TACC2: variants seen among roughly 807,000 people sequenced by gnomAD.
TACC2 encodes the protein transforming acidic coiled-coil containing protein 2.
Under a neutral mutation model 227.3 loss-of-function variants are expected in TACC2, and 137 were observed. The observed-to-expected ratio is 0.60, with a 90% CI of 0.52 to 0.69. The LOEUF (loss-of-function observed/expected upper bound fraction) is 0.69, where lower values mean the gene tolerates loss of function less well. TACC2 is among the 30% of genes least tolerant of loss of function. TACC2 has a pLI of 0.00. For missense variants in TACC2, 3,470 were observed against 3,694.4 expected, an observed-to-expected ratio of 0.94 and a Z score of 1.57; for synonymous variants, 1,523 against 1,487.5, an observed-to-expected ratio of 1.02 and a Z score of -0.55.
intron 12 of TACC2, among the ~76,000 whole-genome samples, chr10:122,225,586 G>A (rs1043698593): frequency 6.6e-6 from 1 of 152,208 alleles, no homozygotes; most frequent in African/African-American, 2.4e-5. Flanking sequence ...GTCCCCAGTA[G>A]CTGAGGCCAT....
At chr10:122,072,203 C>A (rs2078162028) in intron 3 of TACC2, among the ~76,000 whole-genome samples, 1 of 152,036 alleles carries the variant, frequency 6.6e-6, no homozygotes, top group South Asian at 2.1e-4. Flanking sequence ...GATCCGCTTG[C>A]CTTGGTCTCC....
chr10:122,204,474 A>T (rs2095035713), intron 8 of TACC2, among the ~76,000 whole-genome samples: 1 of 152,098 alleles, frequency 6.6e-6, no homozygotes. Flanking sequence ...ACAGGTGGGG[A>T]TGTGGCAAGG....
chr10:122,113,104 C>G (rs1020237050), intron 5 of TACC2: 1 of 152,352 alleles, frequency 6.6e-6, no homozygotes. Context: ...CAGGGCCGCA[C>G]CGGACCGTGG....
chr10:122,073,943 C>G (rs1181861673), intron 3 of TACC2, among the ~76,000 whole-genome samples: 1 of 152,016 alleles, frequency 6.6e-6, no homozygotes, highest in Non-Finnish European at 1.5e-5. Context: ...CCATGCCCGG[C>G]TAATTTTTTT....
rs909521958 is a variant in TACC2, at chr10:122,249,033, C to T, written c.8554-17C>T. ...TTCTCGTGGGCTTGACGCCTGTCCT[C>T]TGCCCTGCTGTGTCAGAATGAAGAG... is the stretch of plus-strand genomic sequence containing the variant. On this transcript the variant is annotated splice_polypyrimidine_tract_variant and intron_variant, in intron 20 of 22. Coordinates refer to ENST00000369005, the MANE Select transcript of TACC2 (RefSeq NM_206862.4). The T allele has an allele frequency of 5.6e-6, 9 of 1,606,678 alleles. No homozygotes were observed. The highest frequency in any genetic ancestry group is 6.8e-6 in the Non-Finnish European group (8 of 1,175,450).
At chr10:122,030,225 AAT>A (rs1958776142) in intron 2 of TACC2, among the ~76,000 whole-genome samples, 2 of 152,150 alleles carry the variant, frequency 1.3e-5, no homozygotes, top group Admixed American at 6.6e-5. Context: ...TTTCTACCTG[AAT>A]ATAGGCAACG....
At chr10:121,999,544 A>G (rs547904598) in intron 1 of TACC2, among the ~76,000 whole-genome samples, 1 of 152,352 alleles carries the variant, frequency 6.6e-6, no homozygotes, top group South Asian at 2.1e-4. Flanking sequence ...ATTTGGTGAT[A>G]TTACTGTTTG....
intron 5 of TACC2, among the ~76,000 whole-genome samples, chr10:122,121,281 G>T (rs542680539): frequency 6.6e-6 from 1 of 152,184 alleles, no homozygotes; most frequent in Non-Finnish European, 1.5e-5. Flanking sequence ...AGCACTTTGC[G>T]TGTGCTGGGC....
intron 3 of TACC2, among the ~76,000 whole-genome samples, chr10:122,062,953 C>G (rs1435002535): frequency 2.4e-4 from 37 of 152,104 alleles, no homozygotes; most frequent in Admixed American, 2.4e-3. Context: ...GAAATCAGGG[C>G]TCAGAGAGGT....
Position 122,195,158 on chromosome 10 carries a change from C to G in TACC2, c.5953C>G (p.Pro1985Ala). Residue 1985 changes from proline (P) to alanine (A), a missense_variant, in exon 8 of 23, where the codon CCA (proline) becomes GCA (alanine). By Grantham distance (27) the Pro-to-Ala change is conservative (BLOSUM62 -1). Transcript: ENST00000369005. ...CCCAGAACCCGAGGTCAGCACACAG[C>G]CACCCCCGGAAGAACCAGGTAACCA... ...VIPEPEVSTQ[P>A]PPEEPGCGSE... The G allele has an allele frequency of 6.2e-7, 1 of 1,611,188 alleles. No homozygotes were observed. The highest frequency in any genetic ancestry group is 1.1e-5 in the South Asian group (1 of 90,634).
chr10:122,100,683 C>T (rs1382465740), intron 5 of TACC2, among the ~76,000 whole-genome samples: 1 of 152,186 alleles, frequency 6.6e-6, no homozygotes, highest in Non-Finnish European at 1.5e-5. Flanking sequence ...GCCTCAGCCT[C>T]CCAAAGTGCT....
chr10:122,026,608 A>G (rs529509675), intron 2 of TACC2, among the ~76,000 whole-genome samples: 2 of 152,214 alleles, frequency 1.3e-5, no homozygotes, highest in African/African-American at 4.8e-5. Context: ...TGCCCTAAAA[A>G]TCCTCTGGAC....
At chr10:122,122,157 C>A (rs976423111) in intron 5 of TACC2, among the ~76,000 whole-genome samples, 1 of 152,132 alleles carries the variant, frequency 6.6e-6, no homozygotes, top group Non-Finnish European at 1.5e-5. Flanking sequence ...AGATCGAGAC[C>A]ATCCTGGCTA....
intron 5 of TACC2, among the ~76,000 whole-genome samples, chr10:122,114,811 C>T (rs1030670861): frequency 3.3e-5 from 5 of 152,160 alleles, no homozygotes; most frequent in African/African-American, 7.2e-5. Flanking sequence ...CAAATGCTGC[C>T]GCCTCTGTGG....
chr10:122,088,416 C>T, intron 4 of TACC2, 62 bp from the exon 5 acceptor site: 1 of 1,412,448 alleles, frequency 7.1e-7, no homozygotes, highest in Non-Finnish European at 9.5e-7. Context: ...TTCAATAGGA[C>T]ATGAGGAGAA....
At chr10:122,241,829 G>A in intron 18 of TACC2, 129 bp from the exon 19 acceptor site, 1 of 827,858 alleles carries the variant, frequency 1.2e-6, no homozygotes, top group Non-Finnish European at 2.1e-6. Flanking sequence ...GCAGGGCGAG[G>A]GCTGACATTG....
intron 2 of TACC2, among the ~76,000 whole-genome samples, chr10:122,029,184 C>T (rs539097707): frequency 6.6e-6 from 1 of 151,568 alleles, no homozygotes; most frequent in Admixed American, 6.6e-5. Flanking sequence ...AAACATAATG[C>T]TTGTAATCAA....
At chr10:122,231,956 G>A (rs1455799450) in intron 16 of TACC2, among the ~76,000 whole-genome samples, 2 of 152,212 alleles carry the variant, frequency 1.3e-5, no homozygotes, top group East Asian at 1.9e-4. Flanking sequence ...TAGGAGTTCC[G>A]GCTGCTGCTC....
At chr10:121,991,397 A>G (rs1202478146) in intron 1 of TACC2, among the ~76,000 whole-genome samples, 1 of 152,264 alleles carries the variant, frequency 6.6e-6, no homozygotes, top group Non-Finnish European at 1.5e-5. Context: ...AGTGATTTTC[A>G]GCAAGGTTGT....
Sources: gnomAD v4.1 joint callset for allele counts (sites outside exome capture counted in the v4.1 genomes callset) on GRCh38, gnomAD v4.1.1 for gene constraint, MANE v1.5 for transcripts, NCBI Gene and HGNC (gene_info 2026-07-23, HGNC 2026-07-21) for gene names.